The following SPAG16 variants were observed in gnomAD, a reference collection of about 807,000 sequenced individuals.
SPAG16 encodes sperm-associated antigen 16 protein.
A neutral mutation model predicts 80.4 loss-of-function variants in SPAG16; 86 were observed. That is an observed-to-expected ratio of 1.07 (90% CI 0.90 to 1.28). The LOEUF is 1.28. Ranked by LOEUF, SPAG16 falls within the 50% of genes most tolerant of loss-of-function variation. The probability of loss-of-function intolerance (pLI) is 0.00; values close to 1 mark genes in which losing one functional copy is unlikely to be tolerated. For missense variants in SPAG16, 870 were observed against 765.3 expected (o/e 1.14, Z -1.61); for synonymous variants, 294 against 265.9 (o/e 1.11, Z -1.03).
intron 10 of SPAG16, among the ~76,000 whole-genome samples, chr2:213,574,298 G>A (rs1292397895): frequency 1.3e-5 from 2 of 152,024 alleles, no homozygotes; most frequent in Non-Finnish European, 2.9e-5. Flanking sequence ...GATGTTCTAT[G>A]TGAACTTATT....
intron 12 of SPAG16, among the ~76,000 whole-genome samples, chr2:213,998,225 A>G (rs989698964): frequency 1.3e-5 from 2 of 152,284 alleles, no homozygotes; most frequent in South Asian, 2.1e-4. Context: ...GGGAAGTGAT[A>G]TGGTTTGGCT....
chr2:214,279,484 G>A (rs780800328), intron 15 of SPAG16, among the ~76,000 whole-genome samples: 44 of 152,138 alleles, frequency 2.9e-4, no homozygotes, highest in Non-Finnish European at 5.1e-4. Flanking sequence ...GCCACAACTC[G>A]AGAAAGGAGA....
At chr2:214,024,688 TAGAG>T (rs578245957) in intron 13 of SPAG16, among the ~76,000 whole-genome samples, 1 of 151,734 alleles carries the variant, frequency 6.6e-6, no homozygotes, top group South Asian at 2.1e-4. Flanking sequence ...AGAAGGTTGA[TAGAG>T]AGCTAAAACC....
intron 15 of SPAG16, among the ~76,000 whole-genome samples, chr2:214,249,216 C>T (rs1435275645): frequency 1.3e-5 from 2 of 152,048 alleles, no homozygotes; most frequent in Non-Finnish European, 2.9e-5. Context: ...GACAGATTGC[C>T]CACAATCAAG....
intron 9 of SPAG16, among the ~76,000 whole-genome samples, chr2:213,451,835 G>A (rs1309367345): frequency 1.3e-5 from 2 of 152,084 alleles, no homozygotes. Flanking sequence ...GCTGCTCTGC[G>A]CTGCTTATCT....
At chr2:214,354,039 A>C (rs1189563410) in intron 15 of SPAG16, among the ~76,000 whole-genome samples, 1 of 152,138 alleles carries the variant, frequency 6.6e-6, no homozygotes, top group Non-Finnish European at 1.5e-5. Flanking sequence ...AAGTGATGTG[A>C]TTATATTACA....
intron 9 of SPAG16, among the ~76,000 whole-genome samples, chr2:213,425,913 A>C (rs1262685980): frequency 6.6e-6 from 1 of 152,190 alleles, no homozygotes; most frequent in Non-Finnish European, 1.5e-5. Flanking sequence ...AGCTTGGGCC[A>C]GGAAACATAC....
At chr2:213,843,627 G>A (rs915751734) in intron 10 of SPAG16, among the ~76,000 whole-genome samples, 1 of 152,156 alleles carries the variant, frequency 6.6e-6, no homozygotes, top group Non-Finnish European at 1.5e-5. Context: ...GAAGCGGGTC[G>A]ATCACCTGAG....
chr2:213,788,326 C>A (rs1224632519), intron 10 of SPAG16, among the ~76,000 whole-genome samples: 7 of 151,860 alleles, frequency 4.6e-5, no homozygotes, highest in African/African-American at 1.7e-4. Context: ...GCTACACAAT[C>A]ACATTTATAC....
chr2:213,674,070 C>T (rs2063931868), intron 10 of SPAG16, among the ~76,000 whole-genome samples: 2 of 151,936 alleles, frequency 1.3e-5, no homozygotes, highest in Non-Finnish European at 1.5e-5. Context: ...TATATGTTGT[C>T]TTTTCTTCTA....
In SPAG16 at chr2:214,015,600, G is replaced by GAAA. The variant is rs61341736; in HGVS notation, c.1527+1534_1527+1536dup. 8.2e-3 allele frequency among the ~76,000 whole-genome samples: 1,191 copies of GAAA among 144,470 alleles called. 23 individuals carry two copies. The highest frequency in any genetic ancestry group is 0.026 in the African/African-American group (1,031 of 39,378). 94.8% of individuals were successfully genotyped at this position (144,470 alleles called of 152,430 possible). ...GCAACAAGGGCAAAACTCCATCTCA[G>GAAA]AAAAAAAAAAAAATCAAAGAAAGAA... On this transcript the variant is annotated intron_variant, in intron 13 of 15. Transcript: ENST00000331683.
At chr2:213,793,414 T>C (rs1300390283) in intron 10 of SPAG16, among the ~76,000 whole-genome samples, 1 of 152,146 alleles carries the variant, frequency 6.6e-6, no homozygotes, top group African/African-American at 2.4e-5. Context: ...AAAAGAGTTA[T>C]AGGTACATGC....
intron 10 of SPAG16, among the ~76,000 whole-genome samples, chr2:213,684,930 G>A (rs2064588327): frequency 6.6e-6 from 1 of 152,204 alleles, no homozygotes; most frequent in South Asian, 2.1e-4. Flanking sequence ...CATGTGCTAT[G>A]AAGGAGTGGT....
chr2:213,951,541 T>C (rs2106324891), intron 12 of SPAG16, among the ~76,000 whole-genome samples: 1 of 152,168 alleles, frequency 6.6e-6, no homozygotes, highest in South Asian at 2.1e-4. Context: ...AAAGAGAAAA[T>C]ATGAATAAGA....
intron 11 of SPAG16, among the ~76,000 whole-genome samples, chr2:213,915,904 G>T (rs2077938990): frequency 6.6e-6 from 1 of 152,092 alleles, no homozygotes; most frequent in Non-Finnish European, 1.5e-5. Flanking sequence ...TTTGTTGGCT[G>T]CATAAATATC....
At chr2:214,317,111 G>T (rs1695750541) in intron 15 of SPAG16, among the ~76,000 whole-genome samples, 1 of 152,108 alleles carries the variant, frequency 6.6e-6, no homozygotes, top group Admixed American at 6.6e-5. Flanking sequence ...GTATGTTTGG[G>T]CTCTAGAAAA....
chr2:213,700,670 T>A (rs2065367827), intron 10 of SPAG16, among the ~76,000 whole-genome samples: 1 of 152,228 alleles, frequency 6.6e-6, no homozygotes. Flanking sequence ...TAATGTGTGA[T>A]GTACCTAATG....
intron 6 of SPAG16, among the ~76,000 whole-genome samples, chr2:213,341,573 C>A (rs987674874): frequency 6.6e-6 from 1 of 152,038 alleles, no homozygotes; most frequent in African/African-American, 2.4e-5. Flanking sequence ...CATTCTGTCG[C>A]CCATTTTAGA....
intron 11 of SPAG16, among the ~76,000 whole-genome samples, chr2:213,918,431 G>C (rs1049852028): frequency 6.6e-6 from 1 of 151,952 alleles, no homozygotes; most frequent in Non-Finnish European, 1.5e-5. Context: ...GGCTGATATG[G>C]TTTGGCTGTG....
Sources: allele counts gnomAD v4.1 joint callset (sites outside exome capture counted in the v4.1 genomes callset), GRCh38; gene constraint gnomAD v4.1.1; transcripts MANE v1.5; gene names NCBI Gene and HGNC (gene_info 2026-07-23, HGNC 2026-07-21).